MAPKAP1: variants seen among roughly 807,000 people sequenced by gnomAD.
MAPKAP1 encodes the protein MAPK associated protein 1.
A neutral mutation model predicts 65.7 loss-of-function variants in MAPKAP1; 20 were observed. The observed-to-expected ratio is 0.30, with a 90% confidence interval of 0.21 to 0.44. The LOEUF (loss-of-function observed/expected upper bound fraction) is 0.44. MAPKAP1 is among the 20% of genes least tolerant of loss of function. The probability of loss-of-function intolerance (pLI) is 1.00; values close to 1 mark genes in which losing one functional copy is unlikely to be tolerated. For missense variants in MAPKAP1, 423 were observed against 648.0 expected (o/e 0.65, Z 3.77); for synonymous variants, 222 against 244.3 (o/e 0.91, Z 0.85).
chr9:125,535,717 T>A (rs1275182650), intron 7 of MAPKAP1, among the ~76,000 whole-genome samples: 1 of 152,236 alleles, frequency 6.6e-6, no homozygotes, highest in Non-Finnish European at 1.5e-5. Flanking sequence ...ATTTATAAAA[T>A]CAGGATGCAG....
chr9:125,444,668 C>T, intron 10 of MAPKAP1, 70 bp from the exon 11 acceptor site: 1 of 1,040,302 alleles, frequency 9.6e-7, no homozygotes, highest in Non-Finnish European at 1.5e-6. Flanking sequence ...CATATGTTCT[C>T]CCCTATCATT....
chr9:125,459,070 C>T (rs1948417325), intron 10 of MAPKAP1, among the ~76,000 whole-genome samples: 1 of 133,244 alleles, frequency 7.5e-6, no homozygotes, highest in African/African-American at 2.9e-5. Context: ...GGGCGGTTGC[C>T]AGGCAGAGGG....
At chr9:125,463,413 C>T (rs1853570417) in intron 10 of MAPKAP1, among the ~76,000 whole-genome samples, 1 of 152,218 alleles carries the variant, frequency 6.6e-6, no homozygotes, top group Non-Finnish European at 1.5e-5. Context: ...TATTCAGTAG[C>T]TTTAATTTAA....
At chr9:125,577,047 C>T (rs1184631616) in intron 5 of MAPKAP1, among the ~76,000 whole-genome samples, 8 of 150,202 alleles carry the variant, frequency 5.3e-5, no homozygotes, top group African/African-American at 2.0e-4. Context: ...CATCTCTGCC[C>T]GGCCGCCATC....
rs921525898 is a variant in MAPKAP1, at chr9:125,685,263, G to A, written c.-69-12620C>T. Among the ~76,000 whole-genome samples the A allele has an allele frequency of 7.4e-4, 112 of 151,988 alleles. 2 individuals are homozygous for A. Among genetic ancestry groups the A allele is most frequent in the African/African-American group, 2.6e-3 (106 of 41,422 alleles). ...GAAATGGATAATGCTCGGTGGAGCC[G>A]TGAGTTGCAACAGTAAATGAAATAG... On this transcript the variant is annotated intron_variant, in intron 1 of 11. Transcript: ENST00000265960.
chr9:125,573,903 C>T (rs569143679), intron 5 of MAPKAP1, among the ~76,000 whole-genome samples: 31 of 152,306 alleles, frequency 2.0e-4, no homozygotes, highest in African/African-American at 4.3e-4. Context: ...TTAAAGCAAA[C>T]ATTATTTAGT....
intron 4 of MAPKAP1, among the ~76,000 whole-genome samples, chr9:125,617,449 C>T (rs543178942): frequency 6.6e-6 from 1 of 152,180 alleles, no homozygotes; most frequent in Non-Finnish European, 1.5e-5. Flanking sequence ...CAACAGAGAC[C>T]CTATCTCAAA....
At chr9:125,667,032 T>C (rs758694475) in intron 3 of MAPKAP1, among the ~76,000 whole-genome samples, 1 of 151,822 alleles carries the variant, frequency 6.6e-6, no homozygotes, top group Non-Finnish European at 1.5e-5. Flanking sequence ...ATTATCAAAA[T>C]CCGTGAGACA....
At chr9:125,451,843 T>C (rs1482582808) in intron 10 of MAPKAP1, among the ~76,000 whole-genome samples, 1 of 138,632 alleles carries the variant, frequency 7.2e-6, no homozygotes, top group African/African-American at 2.7e-5. Flanking sequence ...AGAGTCTCGC[T>C]CTATCCCCCA....
intron 4 of MAPKAP1, among the ~76,000 whole-genome samples, chr9:125,653,890 CT>C (rs202034369): frequency 6.6e-5 from 10 of 151,236 alleles, no homozygotes; most frequent in South Asian, 2.1e-4. Context: ...TAATCAGTCC[CT>C]TTTTTTTTAT....
At chr9:125,506,111 T>C (rs1230724840) in intron 8 of MAPKAP1, 199 bp downstream of exon 8, 1 of 625,246 alleles carries the variant, frequency 1.6e-6, no homozygotes, top group African/African-American at 1.8e-5. Context: ...CTAAACAGGA[T>C]GCAGCCTCTC....
rs181480180 is a variant in MAPKAP1 at position 125,662,638 on chromosome 9, G to A, written c.350-4839C>T. Among the ~76,000 whole-genome samples the A allele has an allele frequency of 9.4e-3, 1,426 of 152,124 alleles. 20 individuals are homozygous for A. The highest frequency in any genetic ancestry group is 0.012 in the Non-Finnish European group (835 of 67,994). On this transcript the variant is annotated intron_variant, in intron 3 of 11. Transcript: ENST00000265960. Reference sequence around the variant, plus strand: ...GCGGAGCTTGCAGTGAGCCAAGATCGTGCCACTGCACTCCAGCCTGGGCGA... The same window carrying A: ...GCGGAGCTTGCAGTGAGCCAAGATCATGCCACTGCACTCCAGCCTGGGCGA...
Position 125,595,813 on chromosome 9 carries a change from C to A in MAPKAP1, c.499-10086G>T. 2 of 1,132,254 alleles carry A rather than the reference C, an allele frequency of 1.8e-6. No individual in the cohort carries two copies. The highest frequency in any genetic ancestry group is 2.6e-6 in the Non-Finnish European group (2 of 757,322). 70.1% of individuals were successfully genotyped at this position (1,132,254 alleles called of 1,614,324 possible). ...CAGACTGTGTGGTAATGAAAGATTCCAACACCAAGCGTTCCGGGGGTTTTG... is the reference window on the plus strand; with the variant it reads ...CAGACTGTGTGGTAATGAAAGATTCAAACACCAAGCGTTCCGGGGGTTTTG... On this transcript the variant is annotated intron_variant, in intron 4 of 11. Coordinates refer to ENST00000265960, the MANE Select transcript of MAPKAP1 (RefSeq NM_001006617.3). This position sits in a 1 kb window ranked among gnomAD's most constrained non-coding sequence, Gnocchi z 4.0.
At chr9:125,546,978 C>T (rs745354906) in intron 6 of MAPKAP1, among the ~76,000 whole-genome samples, 1 of 152,104 alleles carries the variant, frequency 6.6e-6, no homozygotes, top group Non-Finnish European at 1.5e-5. Context: ...CTTGGGCTGT[C>T]CATGCTGGGT....
At chr9:125,511,421 G>A (rs965197619) in intron 7 of MAPKAP1, among the ~76,000 whole-genome samples, 3 of 152,122 alleles carry the variant, frequency 2.0e-5, no homozygotes, top group African/African-American at 7.2e-5. Flanking sequence ...TGTCCCTCAG[G>A]AACTAGTAGA....
At chr9:125,488,059 A>G (rs1367046491) in intron 8 of MAPKAP1, among the ~76,000 whole-genome samples, 1 of 152,222 alleles carries the variant, frequency 6.6e-6, no homozygotes, top group African/African-American at 2.4e-5. Context: ...TTAATTTTGT[A>G]CAAGACTTAC....
chr9:125,449,954 ACT>A (rs1852880731), intron 10 of MAPKAP1, among the ~76,000 whole-genome samples: 1 of 151,254 alleles, frequency 6.6e-6, no homozygotes, highest in African/African-American at 2.4e-5. Context: ...ATGGAGTCTC[ACT>A]CTGTCACCCA....
At chr9:125,569,245 G>C (rs1229924857) in intron 5 of MAPKAP1, among the ~76,000 whole-genome samples, 1 of 152,194 alleles carries the variant, frequency 6.6e-6, no homozygotes, top group Non-Finnish European at 1.5e-5. Context: ...TCATGTCATA[G>C]TTAGCTCTAA....
intron 8 of MAPKAP1, among the ~76,000 whole-genome samples, chr9:125,494,243 A>G (rs1854849825): frequency 6.6e-6 from 1 of 152,060 alleles, no homozygotes; most frequent in Admixed American, 6.5e-5. Flanking sequence ...GCTACTAGTT[A>G]TTTTTGCTGG....
Sources: gnomAD v4.1 joint callset for allele counts (sites outside exome capture counted in the v4.1 genomes callset) on GRCh38, gnomAD v4.1.1 for gene constraint, Gnocchi (gnomAD v3.1) non-coding constraint, MANE v1.5 for transcripts, NCBI Gene and HGNC (gene_info 2026-07-23, HGNC 2026-07-21) for gene names.